The following SLC9A2 variants were observed in gnomAD, a reference collection of about 807,000 sequenced individuals.
SLC9A2 encodes sodium/hydrogen exchanger 2.
SLC9A2 carries 42 observed loss-of-function variants against 71.7 expected under a neutral mutation model. The ratio of observed to expected loss-of-function variants is 0.59; its 90% CI spans 0.46 to 0.76. SLC9A2 has a LOEUF of 0.76. SLC9A2 is among the 30% of genes least tolerant of loss of function. SLC9A2 has a pLI of 0.00. For missense variants in SLC9A2, 829 were observed against 1,017.4 expected (o/e 0.81, Z 2.52); for synonymous variants, 396 against 392.5 (o/e 1.01, Z -0.10).
At chr2:102,666,227 G>T (rs1267393767) in intron 3 of SLC9A2, among the ~76,000 whole-genome samples, 1 of 120,020 alleles carries the variant, frequency 8.3e-6, no homozygotes, top group Non-Finnish European at 1.6e-5. Context: ...GCGGAGTCTC[G>T]CTCTCTCGCC....
chr2:102,674,912 C>T (rs1262247550), intron 3 of SLC9A2, among the ~76,000 whole-genome samples: 1 of 152,148 alleles, frequency 6.6e-6, no homozygotes, highest in East Asian at 1.9e-4. Flanking sequence ...AGAAATCGAG[C>T]TTTATATCTC....
chr2:102,637,466 C>T (rs1036535848), intron 1 of SLC9A2, among the ~76,000 whole-genome samples: 1 of 152,162 alleles, frequency 6.6e-6, no homozygotes, highest in African/African-American at 2.4e-5. Flanking sequence ...TCCGAGCTGT[C>T]CAGTGGGTGT....
At chr2:102,690,084 G>T (rs1223752054) in intron 5 of SLC9A2, among the ~76,000 whole-genome samples, 2 of 152,214 alleles carry the variant, frequency 1.3e-5, no homozygotes, top group East Asian at 3.9e-4. Context: ...AAAGAATACA[G>T]AAAAGAAGGC....
At position 102,708,293 on chromosome 2, in the gene SLC9A2, C is replaced by T. The variant is rs150662206; in HGVS notation, c.2243C>T (p.Pro748Leu). The change falls in exon 12 of 12, where the codon CCA becomes CTA. Residue 748 changes from proline to leucine, a missense_variant. Around this residue, in one of 3 missense-constraint regions of SLC9A2, gnomAD observed 223 missense variants for 197.5 expected, o/e 1.13. Transcript: ENST00000233969. ...GGCCGAGATATGCCCAGCACCCCCC[C>T]AACACCCCACAGCAGAGAAAAGGGC... ...DSGRDMPSTP[P>L]TPHSREKGTQ... The T allele has an allele frequency of 2.7e-5, 43 of 1,614,046 alleles. No individual in the cohort carries two copies. The highest frequency in any genetic ancestry group is 3.4e-5 in the Non-Finnish European group (40 of 1,180,024).
rs1678036377 is a variant in SLC9A2 at position 102,708,688 on chromosome 2, A to G, written c.*199A>G. 3.6e-6 allele frequency: 2 copies of G among 562,264 alleles called. No individual in the cohort carries two copies. The highest frequency in any genetic ancestry group is 3.0e-5 in the East Asian group (1 of 33,218). The allele number at this position is 562,264 out of a possible 1,614,324, so 34.8% of individuals were successfully genotyped here. Reference sequence around the variant, plus strand: ...CGAATAAAAAATAGTCCCACAAAATACCTTTTGTGACTAATGGGTAGCAAT... The same window carrying G: ...CGAATAAAAAATAGTCCCACAAAATGCCTTTTGTGACTAATGGGTAGCAAT... On this transcript the variant is annotated 3_prime_UTR_variant, in exon 12 of 12. Coordinates refer to ENST00000233969, the MANE Select transcript of SLC9A2 (RefSeq NM_003048.6).
At chr2:102,644,480 G>C (rs558513175) in intron 1 of SLC9A2, among the ~76,000 whole-genome samples, 1 of 152,276 alleles carries the variant, frequency 6.6e-6, no homozygotes, top group South Asian at 2.1e-4. Context: ...TCACTCCCCT[G>C]GAAAGGGGGC....
chr2:102,668,069 G>T (rs1015513368), intron 3 of SLC9A2, among the ~76,000 whole-genome samples: 2 of 151,622 alleles, frequency 1.3e-5, no homozygotes, highest in African/African-American at 2.4e-5. Context: ...TTGAGACTCG[G>T]TCTCAAAAAA....
chr2:102,649,839 A>G (rs1286356847), intron 1 of SLC9A2, among the ~76,000 whole-genome samples: 1 of 152,210 alleles, frequency 6.6e-6, no homozygotes, highest in Non-Finnish European at 1.5e-5. Context: ...AAGGATGTGG[A>G]GAAATAGGAA....
At chr2:102,627,961 G>A (rs1368293764) in intron 1 of SLC9A2, among the ~76,000 whole-genome samples, 1 of 152,064 alleles carries the variant, frequency 6.6e-6, no homozygotes, top group African/African-American at 2.4e-5. Context: ...ATGCTAAAGT[G>A]ACATCAGTCT....
intron 2 of SLC9A2, 54 bp from the exon 3 acceptor site, chr2:102,665,046 G>T: frequency 6.4e-7 from 1 of 1,567,330 alleles, no homozygotes; most frequent in South Asian, 1.2e-5. Flanking sequence ...TGCCCAGAGT[G>T]ACAATGGGGA....
chr2:102,708,054 C>G, intron 11 of SLC9A2, 65 bp from the exon 12 acceptor site: 1 of 1,537,942 alleles, frequency 6.5e-7, no homozygotes, highest in East Asian at 2.3e-5. Context: ...CACTAAGGTA[C>G]TGAAGTTACT....
intron 7 of SLC9A2, among the ~76,000 whole-genome samples, chr2:102,696,401 C>G (rs1232522359): frequency 6.6e-6 from 1 of 152,140 alleles, no homozygotes; most frequent in Non-Finnish European, 1.5e-5. Context: ...TTTCCCTCCA[C>G]TGCTAATTTA....
Position 102,683,408 on chromosome 2 carries a change from C to G in SLC9A2, c.1152C>G (p.Gly384=), listed in dbSNP as rs1266203953. 1 of 1,614,070 alleles carries G rather than the reference C, an allele frequency of 6.2e-7. No homozygotes were observed. The highest frequency in any genetic ancestry group is 8.5e-7 in the Non-Finnish European group (1 of 1,180,038). ...TCTTCATGGGTGTGTCTACCGTGGG[C>G]AAGAACCACGAGTGGAACTGGGCCT... The part of the protein sequence containing the change: ...IFIFMGVSTV[G]KNHEWNWAFV... Residue 384 remains glycine (G), a synonymous_variant, in exon 4 of 12, where the codon GGC becomes GGG. Transcript: ENST00000233969.
chr2:102,657,329 C>A (rs1417123337), intron 1 of SLC9A2, among the ~76,000 whole-genome samples: 1 of 152,066 alleles, frequency 6.6e-6, no homozygotes, highest in Non-Finnish European at 1.5e-5. Context: ...ATAATGTGTA[C>A]CTATAGCACT....
chr2:102,669,937 C>G (rs898013512), intron 3 of SLC9A2, among the ~76,000 whole-genome samples: 1 of 152,170 alleles, frequency 6.6e-6, no homozygotes, highest in East Asian at 1.9e-4. Context: ...GGGGGAAGGG[C>G]GTACTTGGCC....
intron 1 of SLC9A2, among the ~76,000 whole-genome samples, chr2:102,656,668 T>A (rs543095007): frequency 1.6e-4 from 24 of 152,260 alleles, no homozygotes; most frequent in African/African-American, 5.8e-4. Flanking sequence ...AATGCAAGAA[T>A]CAGACGTTAA....
intron 5 of SLC9A2, among the ~76,000 whole-genome samples, chr2:102,687,865 G>A (rs547992371): frequency 1.3e-5 from 2 of 151,980 alleles, no homozygotes; most frequent in South Asian, 4.2e-4. Flanking sequence ...TGCAACCTCT[G>A]CCTCCTAGGT....
chr2:102,695,800 TTA>T lies in SLC9A2; in HGVS notation c.1586+700_1586+701del, dbSNP rs1240551503. On this transcript the variant is annotated intron_variant, in intron 7 of 11. Transcript: ENST00000233969. ...ATATTATATATATATTATATATATA[TTA>T]TATATATATATAATATATATATAAA... 7.5e-4 allele frequency among the ~76,000 whole-genome samples: 70 copies of T among 93,014 alleles called. 2 individuals are homozygous for T. Among genetic ancestry groups the T allele is most frequent in the Admixed American group, 9.2e-4 (7 of 7,608 alleles). 61.0% of individuals were successfully genotyped at this position (93,014 alleles called of 152,430 possible).
intron 1 of SLC9A2, among the ~76,000 whole-genome samples, chr2:102,646,881 T>C (rs1421929764): frequency 6.6e-6 from 1 of 151,332 alleles, no homozygotes; most frequent in Admixed American, 6.6e-5. Flanking sequence ...TGGGAAACTT[T>C]AATACTGTAT....
Sources: gnomAD v4.1 joint callset for allele counts (sites outside exome capture counted in the v4.1 genomes callset) on GRCh38, gnomAD v4.1.1 for gene constraint, gnomAD v4.1.1 regional missense constraint, MANE v1.5 for transcripts, NCBI Gene and HGNC (gene_info 2026-07-23, HGNC 2026-07-21) for gene names.